The following GSDMC variants were observed in gnomAD, a reference collection of about 807,000 sequenced individuals.
GSDMC encodes gasdermin-C.
Under a neutral mutation model 58.0 loss-of-function variants are expected in GSDMC, and 59 were observed. The ratio of observed to expected loss-of-function variants is 1.02; its 90% CI spans 0.82 to 1.26. GSDMC has a LOEUF of 1.26. GSDMC is among the 50% of genes most tolerant of loss of function. GSDMC has a pLI of 0.00. For synonymous variants in GSDMC, 241 were observed against 220.2 expected (o/e 1.09, Z -0.83); for missense variants, 659 against 598.5 (o/e 1.10, Z -1.06).
chr8:129,745,953 C>T (rs1240989008), downstream of GSDMC, among the ~76,000 whole-genome samples: 1 of 151,582 alleles, frequency 6.6e-6, no homozygotes, highest in African/African-American at 2.4e-5. Flanking sequence ...CCATAGTTTG[C>T]AGAGGAACAG....
intron 1 of GSDMC, among the ~76,000 whole-genome samples, chr8:129,780,432 C>T (rs549158392): frequency 2.0e-5 from 3 of 152,200 alleles, no homozygotes; most frequent in South Asian, 2.1e-4. Flanking sequence ...AATTCCAATA[C>T]GTCTAGTAGC....
the GSDMC span, among the ~76,000 whole-genome samples, chr8:129,708,436 G>A: frequency 6.6e-6 from 1 of 152,216 alleles, no homozygotes. Context: ...GACTCAGAGA[G>A]TAGTTTGGGA....
the GSDMC span, among the ~76,000 whole-genome samples, chr8:129,715,886 A>G: frequency 6.6e-6 from 1 of 152,318 alleles, no homozygotes; most frequent in South Asian, 2.1e-4. Flanking sequence ...CAAGTAGAAT[A>G]TATGTCAAAA....
At chr8:129,740,580 G>T in the GSDMC span, among the ~76,000 whole-genome samples, 2 of 152,038 alleles carry the variant, frequency 1.3e-5, no homozygotes, top group Middle Eastern at 3.2e-3. Flanking sequence ...TGAGCAATAG[G>T]CCATACCATA....
the GSDMC span, among the ~76,000 whole-genome samples, chr8:129,738,476 TA>T: frequency 6.6e-6 from 1 of 152,094 alleles, no homozygotes; most frequent in Non-Finnish European, 1.5e-5. Flanking sequence ...TATGCAGCCA[TA>T]AAAAAGGTTG....
At chr8:129,709,937 C>G in the GSDMC span, among the ~76,000 whole-genome samples, 1 of 152,208 alleles carries the variant, frequency 6.6e-6, no homozygotes, top group African/African-American at 2.4e-5. Flanking sequence ...CTTTGATCAT[C>G]TCATCTAAGG....
chr8:129,739,995 T>C, the GSDMC span, among the ~76,000 whole-genome samples: 5 of 152,114 alleles, frequency 3.3e-5, no homozygotes, highest in East Asian at 9.6e-4. Context: ...TAACCCTACG[T>C]AGGACTGGGC....
At chr8:129,721,108 T>C in the GSDMC span, among the ~76,000 whole-genome samples, 1 of 152,248 alleles carries the variant, frequency 6.6e-6, no homozygotes, top group Non-Finnish European at 1.5e-5. Flanking sequence ...TCCTGAATCC[T>C]AAACCTGGGT....
chr8:129,717,510 G>A, the GSDMC span, among the ~76,000 whole-genome samples: 1 of 152,006 alleles, frequency 6.6e-6, no homozygotes, highest in Non-Finnish European at 1.5e-5. Context: ...ACTACTCAAG[G>A]AAATAAGACA....
intron 2 of GSDMC, among the ~76,000 whole-genome samples, chr8:129,776,674 C>G (rs1286303384): frequency 6.6e-6 from 1 of 152,144 alleles, no homozygotes; most frequent in African/African-American, 2.4e-5. Flanking sequence ...GCCAGACAGA[C>G]CTGGGTTTGG....
At chr8:129,717,250 C>CTTTTTTTTTTTT in the GSDMC span, among the ~76,000 whole-genome samples, 6 of 114,684 alleles carry the variant, frequency 5.2e-5, no homozygotes, top group Non-Finnish European at 6.9e-5. Flanking sequence ...TGGTCCTGGG[C>CTTTTTTTTTTTT]TTTTTTTTTT....
the GSDMC span, among the ~76,000 whole-genome samples, chr8:129,720,382 CT>C: frequency 9.2e-5 from 14 of 152,138 alleles, no homozygotes; most frequent in South Asian, 1.0e-3. Flanking sequence ...CAAAAAGTTT[CT>C]TTTTTTGTCT....
At chr8:129,749,599 AC>A (rs2033088368) in intron 12 of GSDMC, 74 bp from the exon 13 acceptor site, 6 of 1,073,010 alleles carry the variant, frequency 5.6e-6, no homozygotes, top group Admixed American at 1.7e-5. Context: ...AAAGCAGGAG[AC>A]CCCCTGAGAG....
intron 6 of GSDMC, among the ~76,000 whole-genome samples, chr8:129,759,641 T>C (rs931265600): frequency 2.6e-5 from 4 of 152,112 alleles, no homozygotes; most frequent in African/African-American, 9.7e-5. Context: ...TTCTGAGAAA[T>C]GCAAATCAAA....
chr8:129,713,462 C>T, the GSDMC span, among the ~76,000 whole-genome samples: 1 of 152,122 alleles, frequency 6.6e-6, no homozygotes, highest in South Asian at 2.1e-4. Flanking sequence ...AGAAGACAGC[C>T]ACGCTTTGCC....
At chr8:129,744,409 G>C (rs1284863265), downstream of GSDMC, among the ~76,000 whole-genome samples, 3 of 152,170 alleles carry the variant, frequency 2.0e-5, no homozygotes, top group Non-Finnish European at 4.4e-5. Flanking sequence ...TAGAGATGGA[G>C]GTTAGGTAAT....
the GSDMC span, among the ~76,000 whole-genome samples, chr8:129,714,400 C>T: frequency 3.9e-5 from 6 of 152,182 alleles, no homozygotes; most frequent in Admixed American, 2.6e-4. Flanking sequence ...TTCATTCCTC[C>T]GTCCATCCAT....
chr8:129,727,348 AG>A, the GSDMC span, among the ~76,000 whole-genome samples: 1 of 152,210 alleles, frequency 6.6e-6, no homozygotes, highest in Non-Finnish European at 1.5e-5. Context: ...GCTTAATTCA[AG>A]AAGGAAAATG....
chr8:129,758,609 G>T (rs183850783), intron 6 of GSDMC, among the ~76,000 whole-genome samples: 3 of 151,904 alleles, frequency 2.0e-5, no homozygotes, highest in South Asian at 2.1e-4. Context: ...AAAATTAATC[G>T]CATTGACAAT....
Sources: allele counts gnomAD v4.1 joint callset (sites outside exome capture counted in the v4.1 genomes callset), GRCh38; gene constraint gnomAD v4.1.1; transcripts MANE v1.5; gene names NCBI Gene and HGNC (gene_info 2026-07-23, HGNC 2026-07-21).